NSD1: variants seen among roughly 807,000 people sequenced by gnomAD.
The protein encoded by NSD1 is histone-lysine N-methyltransferase, H3 lysine-36 specific.
Under a neutral mutation model 242.7 loss-of-function variants are expected in NSD1, and 26 were observed. The ratio of observed to expected loss-of-function variants is 0.11; its 90% CI spans 0.08 to 0.15. The LOEUF is 0.15. Among genes scored for constraint, NSD1 ranks in the 10% least tolerant of loss-of-function variants. NSD1 has a pLI of 1.00. For missense variants in NSD1, 2,495 were observed against 3,272.8 expected (o/e 0.76, Z 5.80); for synonymous variants, 1,106 against 1,178.1 (o/e 0.94, Z 1.25).
chr5:177,175,877 TTC>T (rs1760152345), intron 2 of NSD1, among the ~76,000 whole-genome samples: 1 of 152,004 alleles, frequency 6.6e-6, no homozygotes, highest in South Asian at 2.1e-4. Flanking sequence ...ATTGCAAAAA[TTC>T]TTTTTTTTTT....
chr5:177,196,591 A>G (rs903862101), intron 3 of NSD1, among the ~76,000 whole-genome samples: 1 of 152,210 alleles, frequency 6.6e-6, no homozygotes, highest in Admixed American at 6.5e-5. Context: ...GGATGGCTGA[A>G]TAGATCGTCA....
chr5:177,276,580 T>C (rs1758403597), intron 17 of NSD1, among the ~76,000 whole-genome samples: 1 of 152,112 alleles, frequency 6.6e-6, no homozygotes, highest in South Asian at 2.1e-4. Flanking sequence ...CCCGCCTCGG[T>C]CTCCCAAAGT....
intron 8 of NSD1, among the ~76,000 whole-genome samples, chr5:177,242,289 A>T (rs1765933954): frequency 6.6e-6 from 1 of 152,090 alleles, no homozygotes; most frequent in Non-Finnish European, 1.5e-5. Flanking sequence ...AAATTACAGA[A>T]ATGTATTTTG....
At chr5:177,178,739 T>C (rs1009613507) in intron 2 of NSD1, among the ~76,000 whole-genome samples, 5 of 152,198 alleles carry the variant, frequency 3.3e-5, no homozygotes, top group Non-Finnish European at 7.3e-5. Flanking sequence ...TTTAAGAACA[T>C]TAAAAAGTGC....
In NSD1 at chr5:177,299,436, T is replaced by A. The variant is rs1477493606; in HGVS notation, c.*3977T>A. ...AGGTGGCCATTGAGTTTCTCAGGGC[T>A]GGGGCCACCTTGTCCATAGCCTCCG... is the stretch of plus-strand genomic sequence containing the variant. On this transcript the variant is annotated 3_prime_UTR_variant, in exon 23 of 23. Transcript: ENST00000439151. 4.3e-6 allele frequency: 1 copy of A among 233,164 alleles called. No homozygotes were observed. 14.4% of individuals were successfully genotyped at this position (233,164 alleles called of 1,614,324 possible). A position where few individuals can be genotyped will look rare whatever the true frequency, so the allele number is the denominator to read the frequency against.
chr5:177,217,777 C>CCTGCCTCAGGCT (rs1271001207), intron 5 of NSD1, among the ~76,000 whole-genome samples: 2 of 151,062 alleles, frequency 1.3e-5, no homozygotes, highest in African/African-American at 2.4e-5. Flanking sequence ...AAGCCATTCT[C>CCTGCCTCAGGCT]CTGCCTCAGG....
At chr5:177,228,888 G>C (rs893586717) in intron 5 of NSD1, among the ~76,000 whole-genome samples, 7 of 152,160 alleles carry the variant, frequency 4.6e-5, no homozygotes, top group Admixed American at 3.9e-4. Context: ...CCATTTCGGA[G>C]CATTTCTACC....
At chr5:177,277,584 C>T (rs969280187) in intron 17 of NSD1, among the ~76,000 whole-genome samples, 5 of 152,002 alleles carry the variant, frequency 3.3e-5, no homozygotes, top group Non-Finnish European at 5.9e-5. Context: ...TTTTGGTTTA[C>T]GATGTGATAA....
At chr5:177,141,489 C>T (rs1052686157) in intron 2 of NSD1, among the ~76,000 whole-genome samples, 1 of 151,344 alleles carries the variant, frequency 6.6e-6, no homozygotes, top group Non-Finnish European at 1.5e-5. Flanking sequence ...CTCCACCATG[C>T]TTGGCTAATT....
intron 14 of NSD1, chr5:177,265,611 G>T: frequency 6.8e-7 from 1 of 1,469,408 alleles, no homozygotes; most frequent in Non-Finnish European, 9.5e-7. Flanking sequence ...AGGTCGCACA[G>T]ATGGCCCCTG....
intron 16 of NSD1, among the ~76,000 whole-genome samples, chr5:177,272,647 T>G (rs889131656): frequency 5.3e-4 from 81 of 152,186 alleles, no homozygotes; most frequent in African/African-American, 1.9e-3. Flanking sequence ...CCTAACACTT[T>G]GGAAGGCTGA....
chr5:177,186,583 C>T (rs1761252199), intron 2 of NSD1, among the ~76,000 whole-genome samples: 1 of 152,112 alleles, frequency 6.6e-6, no homozygotes, highest in African/African-American at 2.4e-5. Context: ...TCAAGAGCCA[C>T]TTCTTAGTTA....
At position 177,211,480 on chromosome 5, in the gene NSD1, A is replaced by G. The variant is rs1562211424; in HGVS notation, c.3081A>G (p.Ser1027=). The change falls in exon 5 of 23, where the codon TCA becomes TCG. Residue 1027 remains serine (S), a synonymous_variant. Transcript: ENST00000439151. ...TRRNCGRSKP[S]SKLRDAFSAQ... ...GCAACTGTGGACGATCAAAGCCTTC[A>G]TCCAAATTGCGAGATGCTTTTTCAG... The G allele has an allele frequency of 6.2e-7, 1 of 1,614,148 alleles. No individual in the cohort carries two copies. The highest frequency in any genetic ancestry group is 1.6e-4 in the Middle Eastern group (1 of 6,062).
chr5:177,180,898 G>C (rs1760608513), intron 2 of NSD1, among the ~76,000 whole-genome samples: 1 of 150,380 alleles, frequency 6.6e-6, no homozygotes, highest in Admixed American at 6.7e-5. Context: ...ATCCAGGCTG[G>C]TCTTGAACTC....
rs1757293457 is a variant in NSD1, at chr5:177,264,883, G to T, written c.5147-2679G>T. ...GCGAATCTATAAGAAAGGTGATATT[G>T]TAGACATCAAAGGAATGGGTACTCT... is the stretch of plus-strand genomic sequence containing the variant. On this transcript the variant is annotated intron_variant, in intron 14 of 22. Transcript: ENST00000439151. 1.7e-5 allele frequency: 13 copies of T among 769,092 alleles called. No individual in the cohort carries two copies. In the East Asian group the frequency reaches 3.2e-4, roughly 19 times the overall value. The allele number at this position is 769,092 out of a possible 1,614,324, so 47.6% of individuals were successfully genotyped here. A position where few individuals can be genotyped will look rare whatever the true frequency, so the allele number is the denominator to read the frequency against.
intron 2 of NSD1, among the ~76,000 whole-genome samples, chr5:177,154,841 G>A (rs962069975): frequency 2.0e-5 from 3 of 146,868 alleles, no homozygotes; most frequent in South Asian, 4.4e-4. Flanking sequence ...GATTACAGTC[G>A]CCTGCCACCA....
At chr5:177,158,281 CTTTCTTTCTTTCTTT>C (rs1433579817) in intron 2 of NSD1, among the ~76,000 whole-genome samples, 30 of 102,894 alleles carry the variant, frequency 2.9e-4, no homozygotes, top group Non-Finnish European at 4.7e-4. Flanking sequence ...TTCTTTCTTT[CTTTCTTTCTTTCTTT>C]CTTTCTTTTC....
chr5:177,288,932 C>T lies in NSD1; in HGVS notation c.6258+7C>T. 1 of 1,599,714 alleles carries T rather than the reference C, an allele frequency of 6.3e-7. No individual in the cohort carries two copies. Among genetic ancestry groups the T allele is most frequent in the Non-Finnish European group, 8.6e-7 (1 of 1,166,908 alleles). On this transcript the variant is annotated splice_region_variant and intron_variant, in intron 21 of 22. Transcript: ENST00000439151. ...CTTGGGTGTAAGGCCAAAGGTACCA[C>T]CCTTCTAGACTTCTGCTTTGGGATT...
Position 177,211,314 on chromosome 5 carries a change from C to T in NSD1, c.2915C>T (p.Thr972Ile). 6.2e-7 allele frequency: 1 copy of T among 1,614,144 alleles called. No individual in the cohort carries two copies. The highest frequency in any genetic ancestry group is 8.5e-7 in the Non-Finnish European group (1 of 1,180,036). The change falls in exon 5 of 23, where the codon ACT (threonine) becomes ATT (isoleucine). Residue 972 changes from threonine (T) to isoleucine (I), a missense_variant. Coordinates refer to ENST00000439151, the MANE Select transcript of NSD1 (RefSeq NM_022455.5). ...THNSEKKGDG[T>I]QNSANPSPSG... ...AATTCAGAGAAAAAGGGAGATGGCACTCAGAACTCCGCCAATCCTAGCCCT... is the reference window on the plus strand; with the variant it reads ...AATTCAGAGAAAAAGGGAGATGGCATTCAGAACTCCGCCAATCCTAGCCCT...
Sources: allele counts gnomAD v4.1 joint callset (sites outside exome capture counted in the v4.1 genomes callset), GRCh38; gene constraint gnomAD v4.1.1; transcripts MANE v1.5; gene names NCBI Gene and HGNC (gene_info 2026-07-23, HGNC 2026-07-21).